Variants in FITM2 observed in about 807,000 individuals in gnomAD.
The protein encoded by FITM2 is fat storage inducing transmembrane protein 2, also known as acyl-coenzyme A diphosphatase FITM2.
In FITM2, 16 loss-of-function variants were observed where a neutral mutation model predicts 23.3. That is an observed-to-expected ratio of 0.69 (90% CI 0.47 to 1.05). The LOEUF is 1.05. Among genes scored for constraint, FITM2 ranks in the 50% least tolerant of loss-of-function variants. The pLI is 0.00. For missense variants in FITM2, 273 were observed against 327.5 expected (o/e 0.83, Z 1.29); for synonymous variants, 132 against 142.0 (o/e 0.93, Z 0.50).
chr20:44,305,914 G>A lies in FITM2; in HGVS notation c.*711C>T, dbSNP rs6073400. The A allele has an allele frequency of 0.84, 127,346 of 152,126 alleles. 53,730 individuals are homozygous for A. Among genetic ancestry groups the A allele is most frequent in the East Asian group, 0.99 (5,093 of 5,126 alleles). 9.4% of individuals were successfully genotyped at this position (152,126 alleles called of 1,614,324 possible). On this transcript the variant is annotated 3_prime_UTR_variant, in exon 2 of 2. Transcript: ENST00000396825. ...TTTGTTTTGTTTTTTCTTTTTTGAG[G>A]TGGAGTCTGCTCTGTCACCCAGGCT...
chr20:44,310,918 G>A lies in FITM2; in HGVS notation c.173+58C>T, dbSNP rs1294860340. ...ACGGCAGCTAGCACCGGCTTCTCTG[G>A]GCGAGGCGACAGCGGGCCGGCTCGG... On this transcript the variant is annotated intron_variant, in intron 1 of 1. Coordinates refer to ENST00000396825, the MANE Select transcript of FITM2 (RefSeq NM_001080472.4). The A allele has an allele frequency of 5.4e-6, 8 of 1,494,998 alleles. No individual in the cohort carries two copies. In the East Asian group the frequency reaches 1.5e-4, roughly 28 times the overall value. The allele number at this position is 1,494,998 out of a possible 1,614,324, so 92.6% of individuals were successfully genotyped here.
rs2062704608 is a variant in FITM2 at position 44,311,169 on chromosome 20, G to C, written c.-21C>G. 1 of 1,604,580 alleles carries C rather than the reference G, an allele frequency of 6.2e-7. No individual in the cohort carries two copies. The highest frequency in any genetic ancestry group is 1.3e-5 in the African/African-American group (1 of 74,778). ...TCCATGCCGGATCTCGTCAGCCACC[G>C]TCCTCCTCTCCGTGCCCTCTCGGCC... On this transcript the variant is annotated 5_prime_UTR_variant, in exon 1 of 2. Coordinates refer to ENST00000396825, the MANE Select transcript of FITM2 (RefSeq NM_001080472.4).
At chr20:44,307,810 G>A (rs577113922) in intron 1 of FITM2, among the ~76,000 whole-genome samples, 3 of 151,780 alleles carry the variant, frequency 2.0e-5, no homozygotes, top group South Asian at 2.1e-4. Context: ...TGAGTTGGCC[G>A]GGCGCGGTGG....
rs1289092243 is a variant in FITM2, at chr20:44,307,099, G to A, written c.315C>T (p.Tyr105=). 1 of 1,614,114 alleles carries A rather than the reference G, an allele frequency of 6.2e-7. No homozygotes were observed. The highest frequency in any genetic ancestry group is 8.5e-7 in the Non-Finnish European group (1 of 1,180,052). ...STLLVGTAIW[Y]ICTSIFSNIE... is the part of the protein sequence containing the mutation. ...TGTTGGAGAAGATGGAGGTGCAGAT[G>A]TACCAGATGGCCGTGCCCACAAGCA... is the stretch of plus-strand genomic sequence containing the variant. The change falls in exon 2 of 2, where the codon TAC becomes TAT. Residue 105 remains tyrosine (Y), a synonymous_variant. Coordinates refer to ENST00000396825, the MANE Select transcript of FITM2 (RefSeq NM_001080472.4).
rs112303907 is a variant in FITM2, at chr20:44,306,494, A to G, written c.*131T>C. The G allele has an allele frequency of 3.3e-3, 4,246 of 1,282,622 alleles. 114 individuals are homozygous for G. The African/African-American group carries it at 0.056, about 17-fold the overall frequency. 79.5% of individuals were successfully genotyped at this position (1,282,622 alleles called of 1,614,324 possible). A position where few individuals can be genotyped will look rare whatever the true frequency, so the allele number is the denominator to read the frequency against. On this transcript the variant is annotated 3_prime_UTR_variant, in exon 2 of 2. Coordinates refer to ENST00000396825, the MANE Select transcript of FITM2 (RefSeq NM_001080472.4). ...CTAAACTCACTCCCCAGACTTCAGCACCACCCACCAAAACTGCCTGGTACA... is the reference window on the plus strand; with the variant it reads ...CTAAACTCACTCCCCAGACTTCAGCGCCACCCACCAAAACTGCCTGGTACA...
chr20:44,308,378 GCCATTGTTC>G (rs1388054828), intron 1 of FITM2, among the ~76,000 whole-genome samples: 1 of 152,146 alleles, frequency 6.6e-6, no homozygotes. Flanking sequence ...GGAGGAAGGT[GCCATTGTTC>G]CATTTTATAG....
chr20:44,307,417 T>C, intron 1 of FITM2, among the ~76,000 whole-genome samples, 177 bp from the exon 2 acceptor site: 1 of 151,978 alleles, frequency 6.6e-6, no homozygotes, highest in Non-Finnish European at 1.5e-5. Flanking sequence ...CTAAGTACTT[T>C]ATTTATTTAT....
chr20:44,310,860 G>A (rs537969158), intron 1 of FITM2, 116 bp downstream of exon 1: 2 of 1,359,250 alleles, frequency 1.5e-6, no homozygotes, highest in African/African-American at 2.9e-5. Flanking sequence ...TCACGGCTAG[G>A]AGGAGGACCT....
intron 1 of FITM2, 109 bp from the exon 2 acceptor site, chr20:44,307,349 C>G: frequency 7.5e-7 from 1 of 1,336,674 alleles, no homozygotes; most frequent in Non-Finnish European, 1.0e-6. Context: ...GAAAACTGAT[C>G]AAAGCTACAG....
At chr20:44,310,570 G>T (rs1207416322) in intron 1 of FITM2, among the ~76,000 whole-genome samples, 1 of 152,140 alleles carries the variant, frequency 6.6e-6, no homozygotes, top group Non-Finnish European at 1.5e-5. Context: ...GGTCTGCGCG[G>T]GGTCTGCCAC....
In FITM2 at chr20:44,311,168, C is replaced by T. The variant is rs375636278; in HGVS notation, c.-20G>A. ...CTCCATGCCGGATCTCGTCAGCCAC[C>T]GTCCTCCTCTCCGTGCCCTCTCGGC... On this transcript the variant is annotated 5_prime_UTR_variant, in exon 1 of 2. Transcript: ENST00000396825. 135 of 1,605,000 alleles carry T rather than the reference C, an allele frequency of 8.4e-5. No individual in the cohort carries two copies. The African/African-American group carries it at 1.6e-3, about 19-fold the overall frequency.
intron 1 of FITM2, 141 bp downstream of exon 1, chr20:44,310,835 G>A (rs2062702859): frequency 3.3e-6 from 4 of 1,211,860 alleles, no homozygotes; most frequent in Non-Finnish European, 3.4e-6. Context: ...CGTGACACGC[G>A]TGCAGATGCT....
At position 44,306,641 on chromosome 20, in the gene FITM2, T is replaced by C. The variant is rs142318812; in HGVS notation, c.773A>G (p.Asp258Gly). Residue 258 changes from aspartate (D) to glycine (G), a missense_variant, in exon 2 of 2, where the codon GAT (aspartate) becomes GGT (glycine). Asp to Gly is a moderately conservative substitution (Grantham distance 94). Transcript: ENST00000396825. ...PQSCSLNLKQ[D>G]SYKK ...GTTACTCTTTTATTTCTTGTAACTA[T>C]CTTGCTTCAAATTCAAACTACAGCT... The C allele has an allele frequency of 3.6e-4, 583 of 1,613,666 alleles. 6 individuals are homozygous for C. The African/African-American group carries it at 6.2e-3, about 17-fold the overall frequency.
At chr20:44,308,522 T>C (rs2062696749) in intron 1 of FITM2, among the ~76,000 whole-genome samples, 1 of 152,108 alleles carries the variant, frequency 6.6e-6, no homozygotes, top group Non-Finnish European at 1.5e-5. Flanking sequence ...CCATACCATA[T>C]GTGGTTTTTT....
At position 44,307,090 on chromosome 20, in the gene FITM2, G is replaced by A; in HGVS notation, c.324C>T (p.Thr108=). The A allele has an allele frequency of 6.2e-7, 1 of 1,614,204 alleles. No individual in the cohort carries two copies. Among genetic ancestry groups the A allele is most frequent in the East Asian group, 2.2e-5 (1 of 44,886 alleles). Residue 108 remains threonine, a synonymous_variant, in exon 2 of 2, where the codon ACC becomes ACT. Coordinates refer to ENST00000396825, the MANE Select transcript of FITM2 (RefSeq NM_001080472.4). ...LVGTAIWYIC[T]SIFSNIEHYT... ...AGTGTTCGATGTTGGAGAAGATGGA[G>A]GTGCAGATGTACCAGATGGCCGTGC...
chr20:44,307,171 G>A lies in FITM2; in HGVS notation c.243C>T (p.Tyr81=). 6.2e-7 allele frequency: 1 copy of A among 1,614,220 alleles called. No homozygotes were observed. Among genetic ancestry groups the A allele is most frequent in the Non-Finnish European group, 8.5e-7 (1 of 1,180,042 alleles). Residue 81 remains tyrosine, a synonymous_variant, in exon 2 of 2, where the codon TAC becomes TAT. Transcript: ENST00000396825. ...LLLPFIALTN[Y]HLTGKAGLVL... is the part of the protein sequence containing the mutation. ...CCAAGCCAGCCTTGCCGGTCAGATGGTAGTTGGTGAGGGCAATGAAAGGCA... is the reference window on the plus strand; with the variant it reads ...CCAAGCCAGCCTTGCCGGTCAGATGATAGTTGGTGAGGGCAATGAAAGGCA...
intron 1 of FITM2, among the ~76,000 whole-genome samples, chr20:44,310,711 C>T (rs1254721073): frequency 1.3e-5 from 2 of 152,202 alleles, no homozygotes; most frequent in Admixed American, 1.3e-4. Context: ...CCTACATATA[C>T]AGAGACACAC....
chr20:44,310,866 G>A, intron 1 of FITM2, 110 bp downstream of exon 1: 3 of 1,374,170 alleles, frequency 2.2e-6, no homozygotes, highest in East Asian at 2.6e-5. Context: ...CTAGGAGGAG[G>A]ACCTCCCCTC....
Position 44,310,965 on chromosome 20 carries a change from G to A in FITM2, c.173+11C>T, listed in dbSNP as rs1029905501. ...TCGGGCGGGGACAGCGGAGGACCGGGGTGCACTCACACGTTGAGGACGTTG... is the reference window on the plus strand; with the variant it reads ...TCGGGCGGGGACAGCGGAGGACCGGAGTGCACTCACACGTTGAGGACGTTG... On this transcript the variant is annotated intron_variant, in intron 1 of 1. Transcript: ENST00000396825. 11 of 1,542,746 alleles carry A rather than the reference G, an allele frequency of 7.1e-6. No individual in the cohort carries two copies. Among genetic ancestry groups the A allele is most frequent in the Non-Finnish European group, 9.6e-6 (11 of 1,142,266 alleles).
Sources: gnomAD v4.1 joint callset for allele counts (sites outside exome capture counted in the v4.1 genomes callset) on GRCh38, gnomAD v4.1.1 for gene constraint, MANE v1.5 for transcripts, NCBI Gene and HGNC (gene_info 2026-07-23, HGNC 2026-07-21) for gene names.